KAZN: variants seen among roughly 807,000 people sequenced by gnomAD.
The protein encoded by KAZN is kazrin.
Under a neutral mutation model 87.4 loss-of-function variants are expected in KAZN, and 40 were observed. The observed-to-expected ratio is 0.46, with a 90% CI of 0.36 to 0.60. KAZN has a LOEUF of 0.60. Ranked by LOEUF, KAZN falls within the 20% of genes least tolerant of loss-of-function variation. The probability of loss-of-function intolerance (pLI) is 0.00; values close to 1 mark genes in which losing one functional copy is unlikely to be tolerated. For synonymous variants in KAZN, 466 were observed against 458.3 expected, an observed-to-expected ratio of 1.02 and a Z score of -0.22; for missense variants, 898 against 1,073.9, an observed-to-expected ratio of 0.84 and a Z score of 2.29.
intron 2 of KAZN, among the ~76,000 whole-genome samples, chr1:14,520,098 A>T (rs1335665867): frequency 6.6e-6 from 1 of 152,218 alleles, no homozygotes; most frequent in Admixed American, 6.5e-5. Context: ...ACAAAAGTCA[A>T]GATGGAGAGA....
intron 2 of KAZN, among the ~76,000 whole-genome samples, chr1:14,521,272 C>A (rs963754976): frequency 6.6e-6 from 1 of 152,200 alleles, no homozygotes; most frequent in Non-Finnish European, 1.5e-5. Context: ...TGAGCCAAAT[C>A]TCTTTTCACT....
At chr1:14,527,457 G>A (rs1671939180) in intron 2 of KAZN, among the ~76,000 whole-genome samples, 1 of 151,122 alleles carries the variant, frequency 6.6e-6, no homozygotes, top group Non-Finnish European at 1.5e-5. Context: ...TCTGAGGCAG[G>A]AGAATCACTT....
At chr1:14,860,936 G>A (rs1030394294) in intron 1 of KAZN, among the ~76,000 whole-genome samples, 3 of 152,152 alleles carry the variant, frequency 2.0e-5, no homozygotes, top group Admixed American at 6.5e-5. Context: ...TATCAGATTC[G>A]AGTGGCTAAG....
chr1:14,941,519 C>G (rs939727971), intron 1 of KAZN, among the ~76,000 whole-genome samples: 1 of 120,770 alleles, frequency 8.3e-6, no homozygotes, highest in Admixed American at 1.2e-4. Flanking sequence ...AGCAGCCTAT[C>G]TTCTAGGCCA....
At chr1:14,740,998 G>A (rs1336203000) in intron 1 of KAZN, among the ~76,000 whole-genome samples, 1 of 152,200 alleles carries the variant, frequency 6.6e-6, no homozygotes, top group African/African-American at 2.4e-5. Context: ...GGAGCTCTGT[G>A]CTTTGAACAT....
chr1:14,044,779 C>T (rs543306141), intron 1 of KAZN, among the ~76,000 whole-genome samples: 1 of 152,316 alleles, frequency 6.6e-6, no homozygotes, highest in African/African-American at 2.4e-5. Context: ...TTTGCAACTC[C>T]TCCTGCTGAG....
chr1:14,859,922 GTCA>G (rs1385488373), intron 1 of KAZN, among the ~76,000 whole-genome samples: 1 of 152,116 alleles, frequency 6.6e-6, no homozygotes, highest in Non-Finnish European at 1.5e-5. Context: ...TCTCTCCCCA[GTCA>G]TCTTTTTCCT....
At chr1:13,910,579 T>A (rs963854489) in intron 1 of KAZN, among the ~76,000 whole-genome samples, 2 of 151,870 alleles carry the variant, frequency 1.3e-5, no homozygotes, top group African/African-American at 2.4e-5. Flanking sequence ...TGGCTCCCCA[T>A]TTGCCTTCTG....
intron 1 of KAZN, among the ~76,000 whole-genome samples, chr1:14,163,115 G>C (rs980393849): frequency 6.6e-6 from 1 of 152,092 alleles, no homozygotes; most frequent in African/African-American, 2.4e-5. Context: ...ATCTGTATGG[G>C]TCTGCAGCAA....
intron 1 of KAZN, among the ~76,000 whole-genome samples, chr1:14,135,518 C>A (rs939383471): frequency 6.6e-6 from 1 of 152,200 alleles, no homozygotes; most frequent in Non-Finnish European, 1.5e-5. Context: ...TTTTGGGAAT[C>A]CAGGGACCCT....
At chr1:14,614,067 G>A (rs1334983445) in intron 1 of KAZN, among the ~76,000 whole-genome samples, 6 of 152,098 alleles carry the variant, frequency 3.9e-5, no homozygotes, top group Admixed American at 1.3e-4. Flanking sequence ...CTAGATTTCC[G>A]GGAATACGAT....
intron 8 of KAZN, among the ~76,000 whole-genome samples, chr1:15,089,925 G>A (rs1640456412): frequency 6.6e-6 from 1 of 152,032 alleles, no homozygotes; most frequent in African/African-American, 2.4e-5. Context: ...TTTCTTGGGG[G>A]CTATTTTAGA....
chr1:14,286,174 AT>A (rs758831438), intron 2 of KAZN, among the ~76,000 whole-genome samples: 1 of 152,184 alleles, frequency 6.6e-6, no homozygotes, highest in African/African-American at 2.4e-5. Flanking sequence ...AGATCAAGGC[AT>A]TGGTAGGGTT....
intron 1 of KAZN, among the ~76,000 whole-genome samples, chr1:14,627,656 T>TA (rs781152985): frequency 2.0e-5 from 3 of 152,204 alleles, no homozygotes; most frequent in East Asian, 3.9e-4. Context: ...ACCTAATAAA[T>TA]ATATGTTCAA....
chr1:14,141,831 G>A (rs546053128), intron 1 of KAZN, among the ~76,000 whole-genome samples: 2 of 152,262 alleles, frequency 1.3e-5, no homozygotes, highest in African/African-American at 4.8e-5. Context: ...GGATAATGGC[G>A]TGTTTTTGTT....
chr1:14,649,471 C>A (rs1055488175), intron 1 of KAZN, among the ~76,000 whole-genome samples: 1 of 152,114 alleles, frequency 6.6e-6, no homozygotes, highest in Non-Finnish European at 1.5e-5. Context: ...TAACGGTTCA[C>A]GTTACACCTC....
At chr1:14,527,506 G>A (rs1671943116) in intron 2 of KAZN, among the ~76,000 whole-genome samples, 1 of 147,012 alleles carries the variant, frequency 6.8e-6, no homozygotes, top group Non-Finnish European at 1.5e-5. Flanking sequence ...CTGAGACCAT[G>A]CCATTGCACT....
chr1:14,053,435 A>G (rs1642423124), intron 1 of KAZN, among the ~76,000 whole-genome samples: 1 of 152,192 alleles, frequency 6.6e-6, no homozygotes, highest in South Asian at 2.1e-4. Context: ...GAACTGTGCA[A>G]TAATGGATGG....
intron 1 of KAZN, among the ~76,000 whole-genome samples, chr1:14,168,821 CAGTAGT>C (rs960687819): frequency 9.9e-5 from 15 of 152,036 alleles, no homozygotes; most frequent in Admixed American, 7.9e-4. Flanking sequence ...AGGACAGAGC[CAGTAGT>C]ACCTAAACCT....
Sources: gnomAD v4.1 joint callset for allele counts (sites outside exome capture counted in the v4.1 genomes callset) on GRCh38, gnomAD v4.1.1 for gene constraint, MANE v1.5 for transcripts, NCBI Gene and HGNC (gene_info 2026-07-23, HGNC 2026-07-21) for gene names.